The following DNAH3 variants were observed in gnomAD, a reference collection of about 807,000 sequenced individuals.
The protein encoded by DNAH3 is axonemal beta dynein heavy chain 3.
DNAH3 carries 332 observed loss-of-function variants against 432.5 expected under a neutral mutation model. That is an observed-to-expected ratio of 0.77 (90% CI 0.70 to 0.84). The LOEUF is 0.84. Among genes scored for constraint, DNAH3 ranks in the 40% least tolerant of loss-of-function variants. The pLI is 0.00. For synonymous variants in DNAH3, 1,956 were observed against 1,900.2 expected, an observed-to-expected ratio of 1.03 and a Z score of -0.76; for missense variants, 4,861 against 5,114.0, an observed-to-expected ratio of 0.95 and a Z score of 1.51.
At position 21,050,069 on chromosome 16, in the gene DNAH3, A is replaced by G. The variant is rs749770798; in HGVS notation, c.4239-51T>C. ...GTGCTTGAGGTCTAAGACACAGGAA[A>G]GAAACCGGCTTTTCATTTATTTTGA... On this transcript the variant is annotated intron_variant, in intron 29 of 61. Coordinates refer to ENST00000261383, the Ensembl canonical transcript of DNAH3. 6.9e-6 allele frequency: 9 copies of G among 1,299,352 alleles called. No individual in the cohort carries two copies. The South Asian group carries it at 1.1e-4, about 16-fold the overall frequency. 80.5% of individuals were successfully genotyped at this position (1,299,352 alleles called of 1,614,324 possible). A position where few individuals can be genotyped will look rare whatever the true frequency, so the allele number is the denominator to read the frequency against.
At chr16:20,978,210 A>C (rs2152654048) in intron 50 of DNAH3, among the ~76,000 whole-genome samples, 1 of 152,280 alleles carries the variant, frequency 6.6e-6, no homozygotes, top group South Asian at 2.1e-4. Flanking sequence ...GAAAACTGCT[A>C]CCACTTAGTT....
exon 29 of DNAH3, chr16:21,051,808 C>A: frequency 6.2e-7 from 1 of 1,614,108 alleles, no homozygotes. Flanking sequence ...CTGTGAGATC[C>A]ATTGGAAATC....
In DNAH3 at chr16:21,027,333, T is replaced by C. The variant is rs1464552171; in HGVS notation, c.5440-206A>G. On this transcript the variant is annotated intron_variant, in intron 37 of 61. Transcript: ENST00000261383. ...TCCTATCCTCTTGGGGTTTACATTC[T>C]TCTGGGAGATGACAGACAATAAGCA... is the stretch of plus-strand genomic sequence containing the variant. 1.3e-5 allele frequency among the ~76,000 whole-genome samples: 2 copies of C among 152,200 alleles called. 1 individual carries two copies. Among genetic ancestry groups the C allele is most frequent in the Admixed American group, 1.3e-4 (2 of 15,272 alleles).
chr16:20,979,527 A>C, exon 50 of DNAH3: 1 of 1,614,068 alleles, frequency 6.2e-7, no homozygotes, highest in Non-Finnish European at 8.5e-7. Flanking sequence ...TCTTGGAAAT[A>C]TTTGCACATG....
intron 21 of DNAH3, among the ~76,000 whole-genome samples, chr16:21,075,061 C>T (rs552444113): frequency 4.6e-5 from 7 of 152,286 alleles, no homozygotes; most frequent in Middle Eastern, 3.4e-3. Context: ...ACAAGATCTC[C>T]GATGATTCCT....
intron 22 of DNAH3, among the ~76,000 whole-genome samples, chr16:21,070,405 C>T (rs1003714080): frequency 6.6e-6 from 1 of 152,084 alleles, no homozygotes; most frequent in African/African-American, 2.4e-5. Context: ...GTCTCAGCCT[C>T]CCAAGAAGCT....
rs139719326 is a variant in DNAH3 at position 21,003,197 on chromosome 16, A to G, written c.6033T>C (p.Tyr2011=). 1.1e-3 allele frequency: 1,789 copies of G among 1,608,366 alleles called. 6 individuals carry two copies. Among genetic ancestry groups the G allele is most frequent in the Non-Finnish European group, 1.2e-3 (1,392 of 1,177,988 alleles). ...TAGCTTGTTTGATAAAATAAAAATC[A>G]TAGATGCTTCCTGGACCCAAAGAAA... The change falls in exon 42 of 62, where the codon TAT becomes TAC. Residue 2011 remains tyrosine, a synonymous_variant. Coordinates refer to ENST00000261383, the Ensembl canonical transcript of DNAH3.
At chr16:21,057,510 T>A (rs2152748599) in intron 27 of DNAH3, among the ~76,000 whole-genome samples, 1 of 152,294 alleles carries the variant, frequency 6.6e-6, no homozygotes, top group African/African-American at 2.4e-5. Flanking sequence ...TCGGGTTAAG[T>A]TGCTCATGGT....
At chr16:20,998,245 T>A (rs1446421329) in intron 43 of DNAH3, among the ~76,000 whole-genome samples, 1 of 151,954 alleles carries the variant, frequency 6.6e-6, no homozygotes, top group African/African-American at 2.4e-5. Context: ...GAGCTGGAGT[T>A]TTTTGTTTGT....
chr16:21,015,608 C>T (rs2152706027), intron 41 of DNAH3, among the ~76,000 whole-genome samples: 1 of 152,214 alleles, frequency 6.6e-6, no homozygotes, highest in East Asian at 1.9e-4. Context: ...TATAATACCA[C>T]AGTACTGCAA....
At chr16:21,149,046 C>T (rs187458301) in intron 1 of DNAH3, among the ~76,000 whole-genome samples, 238 of 152,162 alleles carry the variant, frequency 1.6e-3, no homozygotes, top group African/African-American at 5.6e-3. Flanking sequence ...GCCTGGCCAA[C>T]ATGGAGAAAT....
chr16:20,992,784 T>C (rs1343301899), intron 44 of DNAH3, among the ~76,000 whole-genome samples: 1 of 152,226 alleles, frequency 6.6e-6, no homozygotes, highest in Non-Finnish European at 1.5e-5. Context: ...CATTATTTCT[T>C]TAGATCTTTT....
At chr16:20,965,455 G>T in intron 52 of DNAH3, 30 bp from the exon 53 acceptor site, 1 of 1,476,114 alleles carries the variant, frequency 6.8e-7, no homozygotes, top group Non-Finnish European at 9.0e-7. Context: ...GAGATAATGT[G>T]TTAAGACATT....
intron 57 of DNAH3, 46 bp downstream of exon 57, chr16:20,948,428 AGAGATGACG>A: frequency 6.4e-7 from 1 of 1,572,108 alleles, no homozygotes; most frequent in Non-Finnish European, 8.7e-7. Context: ...GTAGCCATAT[AGAGATGACG>A]GAGCCCTGTG....
intron 26 of DNAH3, among the ~76,000 whole-genome samples, chr16:21,058,979 ATGTATC>A (rs1366081898): frequency 6.6e-6 from 1 of 152,190 alleles, no homozygotes; most frequent in African/African-American, 2.4e-5. Flanking sequence ...TGTTCTGCAC[ATGTATC>A]CCAGAACTTA....
rs994536230 is a variant in DNAH3, at chr16:20,985,863, C to T, written c.7027-148G>A. Reference sequence around the variant, plus strand: ...ATGGGTCATCAGTTTTGTTTTGTTTCGTTTTGTTTTGAGACAGAGTCTCAC... The same window carrying T: ...ATGGGTCATCAGTTTTGTTTTGTTTTGTTTTGTTTTGAGACAGAGTCTCAC... On this transcript the variant is annotated intron_variant, in intron 47 of 61. Coordinates refer to ENST00000261383, the Ensembl canonical transcript of DNAH3. 1.7e-5 allele frequency: 15 copies of T among 863,952 alleles called. No individual in the cohort carries two copies. In the Admixed American group the frequency reaches 1.8e-4, roughly 10 times the overall value. 53.5% of individuals were successfully genotyped at this position (863,952 alleles called of 1,614,324 possible).
At chr16:21,019,601 A>G (rs1266639355) in intron 41 of DNAH3, 23 bp downstream of exon 41, 3 of 1,613,504 alleles carry the variant, frequency 1.9e-6, no homozygotes, top group Non-Finnish European at 2.5e-6. Flanking sequence ...ATACTAGAAC[A>G]TAACAAACAG....
chr16:21,068,777 T>C (rs2090669136), intron 23 of DNAH3, among the ~76,000 whole-genome samples: 1 of 152,246 alleles, frequency 6.6e-6, no homozygotes, highest in Non-Finnish European at 1.5e-5. Flanking sequence ...AAGGATTCAC[T>C]ATAAAACTGT....
chr16:21,076,910 G>A (rs76649319), intron 20 of DNAH3, among the ~76,000 whole-genome samples: 12,498 of 152,012 alleles, frequency 0.082, 730 homozygotes, highest in South Asian at 0.18. Flanking sequence ...TAATTGTCAT[G>A]GGGAGCTGTA....
Sources: allele counts gnomAD v4.1 joint callset (sites outside exome capture counted in the v4.1 genomes callset), GRCh38; gene constraint gnomAD v4.1.1; transcripts MANE v1.5; gene names NCBI Gene and HGNC (gene_info 2026-07-23, HGNC 2026-07-21).